The following ESR1 variants were observed in gnomAD, a reference collection of about 807,000 sequenced individuals.
ESR1 encodes estrogen receptor 1, also known as estrogen receptor.
A neutral mutation model predicts 52.7 loss-of-function variants in ESR1; 12 were observed. That is an observed-to-expected ratio of 0.23 (90% confidence interval 0.15 to 0.37). ESR1 has a LOEUF of 0.37. ESR1 is among the 10% of genes least tolerant of loss of function. The pLI, the probability that ESR1 is intolerant of heterozygous loss-of-function variation, is 1.00. For missense variants in ESR1, 584 were observed against 779.7 expected, an observed-to-expected ratio of 0.75 and a Z score of 2.99; for synonymous variants, 305 against 316.8, an observed-to-expected ratio of 0.96 and a Z score of 0.39.
chr6:151,970,351 T>G (rs1434973200), intron 4 of ESR1, among the ~76,000 whole-genome samples: 1 of 152,086 alleles, frequency 6.6e-6, no homozygotes, highest in African/African-American at 2.4e-5. Context: ...GTCTTTCTAT[T>G]GCAACTTCCA....
intron 1 of ESR1, among the ~76,000 whole-genome samples, chr6:151,691,343 T>TA (rs1217115076): frequency 6.6e-6 from 1 of 152,106 alleles, no homozygotes; most frequent in African/African-American, 2.4e-5. Context: ...GCTACTCGGG[T>TA]AATGATGTGG....
intron 3 of ESR1, 119 bp downstream of exon 3, chr6:151,880,890 T>C: frequency 4.5e-6 from 3 of 667,380 alleles, no homozygotes; most frequent in Non-Finnish European, 8.1e-6. Flanking sequence ...TTGTTTTTTT[T>C]CTATTCTTAT....
At chr6:152,066,351 A>G (rs73616078) in intron 6 of ESR1, among the ~76,000 whole-genome samples, 3,316 of 152,368 alleles carry the variant, frequency 0.022, 109 homozygotes, top group African/African-American at 0.076. Flanking sequence ...TAAGACAGTG[A>G]TTCAGAGAGT....
intron 1 of ESR1, among the ~76,000 whole-genome samples, chr6:151,668,576 C>T (rs1426863196): frequency 6.6e-6 from 1 of 152,162 alleles, no homozygotes; most frequent in African/African-American, 2.4e-5. Flanking sequence ...AGCCACTGCA[C>T]CCGGCCAGAA....
intron 3 of ESR1, among the ~76,000 whole-genome samples, chr6:151,911,267 A>G (rs1798213870): frequency 6.6e-6 from 1 of 152,256 alleles, no homozygotes; most frequent in African/African-American, 2.4e-5. Context: ...CCCTCTGGTC[A>G]GTAGCATATT....
chr6:151,769,238 G>T (rs1452415034), intron 2 of ESR1, among the ~76,000 whole-genome samples: 1 of 152,126 alleles, frequency 6.6e-6, no homozygotes, highest in Non-Finnish European at 1.5e-5. Flanking sequence ...CAGAAGAAAA[G>T]ATCTAATCAA....
chr6:151,672,974 C>T (rs1366903091), intron 1 of ESR1, among the ~76,000 whole-genome samples: 1 of 151,276 alleles, frequency 6.6e-6, no homozygotes, highest in Admixed American at 6.6e-5. Context: ...GACTACAGGC[C>T]CCCGCCACCA....
chr6:151,709,821 T>G (rs1780456813), intron 2 of ESR1, among the ~76,000 whole-genome samples: 1 of 151,888 alleles, frequency 6.6e-6, no homozygotes. Flanking sequence ...AATTTTCTGC[T>G]ACAAAATTAA....
chr6:151,823,167 T>C (rs1225549835), intron 1 of ESR1, among the ~76,000 whole-genome samples: 1 of 152,254 alleles, frequency 6.6e-6, no homozygotes, highest in Non-Finnish European at 1.5e-5. Flanking sequence ...GTATTTTTGT[T>C]GGTTACATCT....
chr6:151,788,411 C>T (rs1388686238), intron 2 of ESR1, among the ~76,000 whole-genome samples: 1 of 152,204 alleles, frequency 6.6e-6, no homozygotes, highest in Non-Finnish European at 1.5e-5. Context: ...GATACCATCT[C>T]ACACCAATCA....
chr6:152,105,372 C>T (rs902181422), downstream of ESR1, among the ~76,000 whole-genome samples: 2 of 151,992 alleles, frequency 1.3e-5, no homozygotes, highest in Non-Finnish European at 2.9e-5. Flanking sequence ...TTAACCTTTT[C>T]CCCCCAAATT....
chr6:152,010,368 T>C (rs1330775957), intron 4 of ESR1, among the ~76,000 whole-genome samples: 1 of 151,846 alleles, frequency 6.6e-6, no homozygotes, highest in African/African-American at 2.4e-5. Flanking sequence ...CTAATAAAAG[T>C]GTAATATTCA....
At chr6:151,749,975 T>A (rs1041436224) in intron 2 of ESR1, among the ~76,000 whole-genome samples, 3 of 152,324 alleles carry the variant, frequency 2.0e-5, no homozygotes, top group East Asian at 3.9e-4. Flanking sequence ...ACAATTTATG[T>A]AAGGTGTTAA....
chr6:151,982,269 C>G (rs2040061530), intron 4 of ESR1, among the ~76,000 whole-genome samples: 1 of 152,196 alleles, frequency 6.6e-6, no homozygotes. Flanking sequence ...TAATGTGCTT[C>G]TGGGTGTATT....
In ESR1 at chr6:152,116,133, C is replaced by T. The variant is rs560615989; in HGVS notation, c.851-9133C>T. 5.9e-5 allele frequency among the ~76,000 whole-genome samples: 9 copies of T among 152,162 alleles called. No homozygotes were observed. The South Asian group carries it at 8.3e-4, about 14-fold the overall frequency. ...GTGTGGGTGGGAGTGTAAATCATCA[C>T]GACTTTTTTAGAAAGCAAACGGGCA... On this transcript the variant is annotated intron_variant, in intron 6 of 6. Transcript: ENST00000427531.
intron 2 of ESR1, among the ~76,000 whole-genome samples, chr6:151,761,098 A>C (rs1449685222): frequency 6.6e-6 from 1 of 151,838 alleles, no homozygotes; most frequent in Non-Finnish European, 1.5e-5. Context: ...GTATGCAAAC[A>C]TTTCTTAATA....
intron 6 of ESR1, among the ~76,000 whole-genome samples, chr6:152,120,527 G>C (rs545994133): frequency 3.0e-4 from 46 of 152,288 alleles, no homozygotes; most frequent in Admixed American, 1.7e-3. Context: ...GCAAGAAGCC[G>C]AGTAGTAGAG....
At chr6:152,015,863 C>CAAA in intron 5 of ESR1, among the ~76,000 whole-genome samples, 1 of 152,068 alleles carries the variant, frequency 6.6e-6, no homozygotes, top group Non-Finnish European at 1.5e-5. Context: ...TGGGGAAAAG[C>CAAA]AAAGACTCTT....
intron 5 of ESR1, among the ~76,000 whole-genome samples, chr6:152,055,063 T>C (rs1457183725): frequency 6.6e-6 from 1 of 152,158 alleles, no homozygotes; most frequent in Non-Finnish European, 1.5e-5. Flanking sequence ...ATATTCCATA[T>C]TTTATTTTTT....
Sources: gnomAD v4.1 joint callset for allele counts (sites outside exome capture counted in the v4.1 genomes callset) on GRCh38, gnomAD v4.1.1 for gene constraint, MANE v1.5 for transcripts, NCBI Gene and HGNC (gene_info 2026-07-23, HGNC 2026-07-21) for gene names.